ROPN1L: variants seen among roughly 807,000 people sequenced by gnomAD.
ROPN1L encodes the protein rhophilin associated tail protein 1 like.
A neutral mutation model predicts 22.7 loss-of-function variants in ROPN1L; 23 were observed. The observed-to-expected ratio is 1.01, with a 90% CI of 0.73 to 1.43. The LOEUF (loss-of-function observed/expected upper bound fraction) is 1.43, where lower values mean the gene tolerates loss of function less well. Among genes scored for constraint, ROPN1L ranks in the 40% most tolerant of loss-of-function variants. The pLI is 0.00. For missense variants in ROPN1L, 271 were observed against 291.5 expected, an observed-to-expected ratio of 0.93 and a Z score of 0.51; for synonymous variants, 116 against 117.8, an observed-to-expected ratio of 0.98 and a Z score of 0.10.
the ROPN1L span, among the ~76,000 whole-genome samples, chr5:10,479,035 G>A: frequency 4.8e-3 from 728 of 152,284 alleles, 6 homozygotes; most frequent in African/African-American, 0.017. Flanking sequence ...CTATATTTTA[G>A]CACTCTGTTT....
intron 3 of ROPN1L, among the ~76,000 whole-genome samples, chr5:10,460,020 T>C (rs1013292689): frequency 6.6e-6 from 1 of 152,014 alleles, no homozygotes; most frequent in South Asian, 2.1e-4. Flanking sequence ...TCCAGGCAGG[T>C]ATGAGATAGC....
intron 3 of ROPN1L, among the ~76,000 whole-genome samples, chr5:10,452,301 G>A (rs1741281320): frequency 6.9e-6 from 1 of 145,394 alleles, no homozygotes; most frequent in African/African-American, 2.7e-5. Context: ...GTGTGTGTGT[G>A]TGTGTGTGTG....
intron 3 of ROPN1L, among the ~76,000 whole-genome samples, chr5:10,460,083 G>A (rs567759438): frequency 1.3e-5 from 2 of 152,206 alleles, no homozygotes; most frequent in Admixed American, 1.3e-4. Flanking sequence ...GGACTGAGGG[G>A]AGGGTCCCAT....
the ROPN1L span, chr5:10,481,984 A>G: frequency 6.6e-6 from 1 of 152,224 alleles, no homozygotes; most frequent in Non-Finnish European, 1.5e-5. Context: ...TAATCCCAGC[A>G]CTTTGGGAGG....
chr5:10,478,632 G>C, the ROPN1L span, among the ~76,000 whole-genome samples: 1 of 152,216 alleles, frequency 6.6e-6, no homozygotes, highest in East Asian at 1.9e-4. Flanking sequence ...CTCGTAAAGG[G>C]CAGCAGTCGT....
At chr5:10,460,246 T>G (rs1734992683) in intron 3 of ROPN1L, among the ~76,000 whole-genome samples, 1 of 152,254 alleles carries the variant, frequency 6.6e-6, no homozygotes, top group African/African-American at 2.4e-5. Context: ...TGTTACATGG[T>G]TCTCCCACCT....
At chr5:10,452,402 T>C (rs1242143205) in intron 3 of ROPN1L, among the ~76,000 whole-genome samples, 1 of 148,770 alleles carries the variant, frequency 6.7e-6, no homozygotes, top group Non-Finnish European at 1.5e-5. Flanking sequence ...AGTGGTGCGA[T>C]CTGGGCTCAC....
At chr5:10,470,579 G>T (rs912508730) in intron 4 of ROPN1L, among the ~76,000 whole-genome samples, 2 of 152,218 alleles carry the variant, frequency 1.3e-5, no homozygotes, top group Non-Finnish European at 1.5e-5. Context: ...GATGTCCACT[G>T]TTTCCTGGAA....
At chr5:10,446,073 A>G (rs904515) in intron 1 of ROPN1L, among the ~76,000 whole-genome samples, 1,819 of 152,328 alleles carry the variant, frequency 0.012, 14 homozygotes, top group Non-Finnish European at 0.018. Flanking sequence ...CTGTGAGGGG[A>G]GTCGGCTGTT....
At chr5:10,445,373 C>A (rs1561167203) in intron 1 of ROPN1L, among the ~76,000 whole-genome samples, 1 of 152,176 alleles carries the variant, frequency 6.6e-6, no homozygotes, top group African/African-American at 2.4e-5. Flanking sequence ...AGGACAGAAT[C>A]TGTTAGGGAG....
At chr5:10,446,686 T>C (rs931623952) in intron 1 of ROPN1L, among the ~76,000 whole-genome samples, 1 of 147,546 alleles carries the variant, frequency 6.8e-6, no homozygotes, top group African/African-American at 2.5e-5. Flanking sequence ...TCTCCAGAAA[T>C]TGCCAAATGC....
downstream of ROPN1L, among the ~76,000 whole-genome samples, chr5:10,474,540 C>T (rs1248593252): frequency 6.6e-6 from 1 of 152,258 alleles, no homozygotes; most frequent in Admixed American, 6.5e-5. Context: ...CAGCTCTACA[C>T]TGCCAGGAGC....
intron 1 of ROPN1L, among the ~76,000 whole-genome samples, chr5:10,447,062 A>G (rs898015472): frequency 2.0e-5 from 3 of 152,250 alleles, no homozygotes; most frequent in Admixed American, 6.5e-5. Context: ...TCTATCAGAT[A>G]TCGACTTATC....
At chr5:10,475,013 G>A (rs1018197922), downstream of ROPN1L, among the ~76,000 whole-genome samples, 1 of 152,234 alleles carries the variant, frequency 6.6e-6, no homozygotes. Flanking sequence ...ATGTGTTCCA[G>A]ATGGGAATGG....
At chr5:10,473,199 C>T (rs1735275118), downstream of ROPN1L, among the ~76,000 whole-genome samples, 1 of 152,164 alleles carries the variant, frequency 6.6e-6, no homozygotes, top group African/African-American at 2.4e-5. Context: ...AAGATATGTC[C>T]ATGTCTCAAC....
At chr5:10,471,873 A>G (rs1018401996) in exon 5 of ROPN1L, 1 of 152,328 alleles carries the variant, frequency 6.6e-6, no homozygotes, top group African/African-American at 2.4e-5. Context: ...TACACAGGTC[A>G]GCTATGCTGG....
At chr5:10,465,825 G>A (rs934957659), downstream of ROPN1L, among the ~76,000 whole-genome samples, 3 of 152,262 alleles carry the variant, frequency 2.0e-5, no homozygotes, top group African/African-American at 4.8e-5. Context: ...GCACTAGAGC[G>A]AGACTCCATC....
At chr5:10,444,829 G>A (rs1741003505) in intron 1 of ROPN1L, among the ~76,000 whole-genome samples, 1 of 151,682 alleles carries the variant, frequency 6.6e-6, no homozygotes, top group South Asian at 2.1e-4. Flanking sequence ...AAACCGGGAA[G>A]CAGAGGTTGC....
chr5:10,448,450 T>C (rs1243200517), intron 2 of ROPN1L, 67 bp downstream of exon 2: 3 of 1,592,628 alleles, frequency 1.9e-6, no homozygotes, highest in Non-Finnish European at 2.6e-6. Flanking sequence ...TCACTGTGCA[T>C]TGATGACAGA....
Sources: allele counts gnomAD v4.1 joint callset (sites outside exome capture counted in the v4.1 genomes callset), GRCh38; gene constraint gnomAD v4.1.1; transcripts MANE v1.5; gene names NCBI Gene and HGNC (gene_info 2026-07-23, HGNC 2026-07-21).